Variants in SLC8A1 observed in about 807,000 individuals in gnomAD.
SLC8A1 encodes the protein sodium/calcium exchanger 1.
Under a neutral mutation model 68.3 loss-of-function variants are expected in SLC8A1, and 18 were observed. The observed-to-expected ratio is 0.26, with a 90% CI of 0.18 to 0.39. The LOEUF (loss-of-function observed/expected upper bound fraction) is 0.39, where lower values mean the gene tolerates loss of function less well. SLC8A1 is among the 10% of genes least tolerant of loss of function. The pLI is 1.00. For missense variants in SLC8A1, 985 were observed against 1,156.7 expected (o/e 0.85, Z 2.15); for synonymous variants, 475 against 415.5 (o/e 1.14, Z -1.74).
Position 40,139,387 on chromosome 2 carries a change from A to C in SLC8A1, c.2437+14T>G, listed in dbSNP as rs1400414424. On this transcript the variant is annotated intron_variant, in intron 7 of 7. Transcript: ENST00000406785. The stretch of plus-strand genomic sequence containing the variant: ...TCTGCTACTGGGGGAATTATACATG[A>C]ATGTAATTTGTACCTGGCACTGATG... 3 of 1,613,222 alleles carry C rather than the reference A, an allele frequency of 1.9e-6. No individual in the cohort carries two copies. Among genetic ancestry groups the C allele is most frequent in the Non-Finnish European group, 2.5e-6 (3 of 1,179,428 alleles).
intron 2 of SLC8A1, among the ~76,000 whole-genome samples, chr2:40,380,741 C>T (rs567140901): frequency 6.6e-6 from 1 of 152,212 alleles, no homozygotes; most frequent in African/African-American, 2.4e-5. Flanking sequence ...ATGGTCCACA[C>T]TGGATCTGAG....
rs765386624 is a variant in SLC8A1 at position 40,318,282 on chromosome 2, TA to T, written c.1808+110190del. Among the ~76,000 whole-genome samples the T allele has an allele frequency of 9.9e-5, 15 of 151,946 alleles. No individual in the cohort carries two copies. In the East Asian group the frequency reaches 1.5e-3, roughly 16 times the overall value. On this transcript the variant is annotated intron_variant, in intron 2 of 7. Coordinates refer to ENST00000406785, the Ensembl canonical transcript of SLC8A1. Reference sequence around the variant, plus strand: ...ATCTGAGCCTCATCTCAAAACTACCTAATTAGAGCCTCTCCTGAAAGAGGCT... The same window carrying T: ...ATCTGAGCCTCATCTCAAAACTACCTATTAGAGCCTCTCCTGAAAGAGGCT...
Position 40,487,538 on chromosome 2 carries a change from A to T in SLC8A1, c.-25+24811T>A, listed in dbSNP as rs138584798. Among the ~76,000 whole-genome samples, 1,319 of 152,306 alleles carry T rather than the reference A, an allele frequency of 8.7e-3. 5 individuals are homozygous for T. The highest frequency in any genetic ancestry group is 0.014 in the Admixed American group (211 of 15,282). ...GTGAAAGCAATTTTATCAAAGTGGCATATAAAACCTTTACTAATCCTATAG... is the reference window on the plus strand; with the variant it reads ...GTGAAAGCAATTTTATCAAAGTGGCTTATAAAACCTTTACTAATCCTATAG... On this transcript the variant is annotated intron_variant, in intron 1 of 7. Transcript: ENST00000402441.
At chr2:40,499,695 T>G (rs373439406) in intron 1 of SLC8A1, among the ~76,000 whole-genome samples, 110 of 152,168 alleles carry the variant, frequency 7.2e-4, no homozygotes, top group African/African-American at 2.5e-3. Flanking sequence ...ATCTTCTGGT[T>G]GGTTATCGGA....
At chr2:40,157,780 C>A (rs1365101838) in intron 6 of SLC8A1, among the ~76,000 whole-genome samples, 1 of 152,164 alleles carries the variant, frequency 6.6e-6, no homozygotes, top group Non-Finnish European at 1.5e-5. Flanking sequence ...CCCACTGTTC[C>A]TAGTGTTCAA....
At chr2:40,490,650 T>G (rs1249822818) in intron 1 of SLC8A1, among the ~76,000 whole-genome samples, 1 of 151,914 alleles carries the variant, frequency 6.6e-6, no homozygotes, top group Non-Finnish European at 1.5e-5. Context: ...TGGGTAGGAG[T>G]AGTGGATTCA....
In SLC8A1 at chr2:40,170,932, T is replaced by C. The variant is rs191492258; in HGVS notation, c.1930+3893A>G. 5.3e-5 allele frequency among the ~76,000 whole-genome samples: 8 copies of C among 152,254 alleles called. No individual in the cohort carries two copies. The East Asian group carries it at 1.5e-3, about 29-fold the overall frequency. ...ACAGGCAGAATGTTATGTACGCCTG[T>C]AGGTTTTGCAGAGGTAGGCCATCGT... On this transcript the variant is annotated intron_variant, in intron 4 of 7. Coordinates refer to ENST00000406785, the Ensembl canonical transcript of SLC8A1.
chr2:40,450,606 T>C (rs1702264925), intron 1 of SLC8A1, among the ~76,000 whole-genome samples: 1 of 152,198 alleles, frequency 6.6e-6, no homozygotes, highest in Non-Finnish European at 1.5e-5. Context: ...TCACCACATC[T>C]GTCATTTTTT....
At chr2:40,131,269 C>G (rs2039275895) in intron 7 of SLC8A1, among the ~76,000 whole-genome samples, 1 of 152,146 alleles carries the variant, frequency 6.6e-6, no homozygotes, top group South Asian at 2.1e-4. Flanking sequence ...AGCTCATGTT[C>G]TTTTATAACC....
At chr2:40,219,433 T>C (rs1303154824) in intron 2 of SLC8A1, among the ~76,000 whole-genome samples, 1 of 152,236 alleles carries the variant, frequency 6.6e-6, no homozygotes, top group African/African-American at 2.4e-5. Flanking sequence ...GTCAAGATTT[T>C]CTTCAATTTC....
intron 2 of SLC8A1, among the ~76,000 whole-genome samples, chr2:40,214,596 C>G (rs138355350): frequency 0.028 from 4,293 of 152,028 alleles, 231 homozygotes; most frequent in African/African-American, 0.098. Context: ...TGCCCAACAC[C>G]ACACCTGGCT....
intron 1 of SLC8A1, among the ~76,000 whole-genome samples, chr2:40,508,905 C>T (rs1197793414): frequency 1.3e-5 from 2 of 152,110 alleles, no homozygotes; most frequent in East Asian, 1.9e-4. Context: ...CTGGACCCCA[C>T]TAACATTTAA....
intron 1 of SLC8A1, among the ~76,000 whole-genome samples, chr2:40,489,219 A>G (rs933741503): frequency 2.6e-5 from 4 of 152,174 alleles, no homozygotes; most frequent in Non-Finnish European, 5.9e-5. Context: ...TAAGAGAAAC[A>G]TAATTAATAA....
chr2:40,175,779 C>G (rs2048364482), intron 3 of SLC8A1, among the ~76,000 whole-genome samples: 1 of 152,038 alleles, frequency 6.6e-6, no homozygotes, highest in African/African-American at 2.4e-5. Flanking sequence ...GTGAAACATC[C>G]TGGGACATTC....
intron 2 of SLC8A1, among the ~76,000 whole-genome samples, chr2:40,359,427 GA>G (rs1487350248): frequency 6.6e-6 from 1 of 152,136 alleles, no homozygotes; most frequent in Admixed American, 6.6e-5. Context: ...TTTTAAGTGT[GA>G]AAAAGGGTTT....
intron 1 of SLC8A1, among the ~76,000 whole-genome samples, chr2:40,433,758 C>CTTTT (rs1166371770): frequency 6.6e-6 from 1 of 152,184 alleles, no homozygotes; most frequent in African/African-American, 2.4e-5. Flanking sequence ...TAACTAACTG[C>CTTTT]TCCATTATAT....
intron 2 of SLC8A1, among the ~76,000 whole-genome samples, chr2:40,189,474 C>T (rs1340170158): frequency 6.6e-6 from 1 of 152,126 alleles, no homozygotes; most frequent in Non-Finnish European, 1.5e-5. Flanking sequence ...AAGCATGCCA[C>T]CGCGCCCGAA....
At chr2:40,105,410 C>G (rs1361193848) in exon 8 of SLC8A1, 1 of 152,194 alleles carries the variant, frequency 6.6e-6, no homozygotes, top group Non-Finnish European at 1.5e-5. Flanking sequence ...GTAATACTAT[C>G]CATGGATCTG....
chr2:40,499,866 G>T (rs980115359), intron 1 of SLC8A1, among the ~76,000 whole-genome samples: 10 of 152,078 alleles, frequency 6.6e-5, no homozygotes, highest in Admixed American at 2.0e-4. Flanking sequence ...GAGGATAAGG[G>T]CAGTGAAGCA....
Sources: allele counts gnomAD v4.1 joint callset (sites outside exome capture counted in the v4.1 genomes callset), GRCh38; gene constraint gnomAD v4.1.1; transcripts MANE v1.5; gene names NCBI Gene and HGNC (gene_info 2026-07-23, HGNC 2026-07-21).